GRIN2A: variants seen among roughly 807,000 people sequenced by gnomAD.
The protein encoded by GRIN2A is glutamate receptor ionotropic, NMDA 2A.
GRIN2A carries 22 observed loss-of-function variants against 113.4 expected under a neutral mutation model. The ratio of observed to expected loss-of-function variants is 0.19; its 90% confidence interval spans 0.14 to 0.28. The LOEUF (loss-of-function observed/expected upper bound fraction) is 0.28, where lower values mean the gene tolerates loss of function less well. GRIN2A is among the 10% of genes least tolerant of loss of function. The pLI is 1.00. For missense variants in GRIN2A, 1,502 were observed against 1,887.0 expected (o/e 0.80, Z 3.78); for synonymous variants, 827 against 738.4 (o/e 1.12, Z -1.94).
chr16:10,115,089 G>C (rs939579813), intron 2 of GRIN2A, among the ~76,000 whole-genome samples: 2 of 152,180 alleles, frequency 1.3e-5, no homozygotes, highest in African/African-American at 4.8e-5. Context: ...TTCCTTCCCT[G>C]CTTAAAATGT....
At chr16:9,918,471 C>G (rs1409725367) in intron 3 of GRIN2A, among the ~76,000 whole-genome samples, 1 of 152,154 alleles carries the variant, frequency 6.6e-6, no homozygotes, top group East Asian at 1.9e-4. Context: ...AATGTGGTCT[C>G]TCTCTTAAAA....
intron 2 of GRIN2A, among the ~76,000 whole-genome samples, chr16:9,940,630 C>T (rs1214743659): frequency 6.6e-6 from 1 of 152,072 alleles, no homozygotes; most frequent in Non-Finnish European, 1.5e-5. Context: ...TTGGTTAAGA[C>T]CAGAAATGGA....
chr16:9,792,580 T>A (rs1902678534), intron 11 of GRIN2A, among the ~76,000 whole-genome samples: 1 of 152,226 alleles, frequency 6.6e-6, no homozygotes, highest in Non-Finnish European at 1.5e-5. Flanking sequence ...ACTTCACATA[T>A]CTATTATATA....
chr16:10,075,770 G>C (rs2047860220), intron 2 of GRIN2A, among the ~76,000 whole-genome samples: 1 of 152,150 alleles, frequency 6.6e-6, no homozygotes, highest in African/African-American at 2.4e-5. Context: ...ACAAGTGTTA[G>C]AAGGACATTC....
chr16:9,841,674 G>A (rs2042682149), intron 5 of GRIN2A, among the ~76,000 whole-genome samples: 1 of 152,162 alleles, frequency 6.6e-6, no homozygotes, highest in Admixed American at 6.5e-5. Flanking sequence ...TCTATTCCAT[G>A]CCTGATTTTG....
intron 2 of GRIN2A, among the ~76,000 whole-genome samples, chr16:10,072,563 T>C (rs1242705907): frequency 1.3e-5 from 2 of 152,162 alleles, no homozygotes; most frequent in African/African-American, 4.8e-5. Flanking sequence ...GATTATAGTA[T>C]GCAGTCAAGT....
intron 9 of GRIN2A, among the ~76,000 whole-genome samples, chr16:9,826,235 T>G (rs1342497239): frequency 1.3e-5 from 2 of 152,146 alleles, no homozygotes; most frequent in African/African-American, 4.8e-5. Flanking sequence ...CCAGGTCCAT[T>G]TGACCCCAAA....
intron 10 of GRIN2A, among the ~76,000 whole-genome samples, chr16:9,801,372 G>A (rs572802256): frequency 2.0e-4 from 30 of 149,778 alleles, no homozygotes; most frequent in Non-Finnish European, 3.4e-4. Context: ...ACACACACAT[G>A]TACACATGGG....
At chr16:9,935,653 G>T (rs773903057) in intron 3 of GRIN2A, among the ~76,000 whole-genome samples, 8 of 151,698 alleles carry the variant, frequency 5.3e-5, no homozygotes, top group Non-Finnish European at 1.0e-4. Flanking sequence ...ATAGTACCCT[G>T]CTGGTAATAA....
intron 2 of GRIN2A, among the ~76,000 whole-genome samples, chr16:9,966,017 T>G (rs2045550461): frequency 6.6e-6 from 1 of 152,210 alleles, no homozygotes; most frequent in Non-Finnish European, 1.5e-5. Flanking sequence ...TGCAGCACCT[T>G]AAGCCCAGAA....
chr16:9,883,912 A>G (rs1399400888), intron 4 of GRIN2A, among the ~76,000 whole-genome samples: 1 of 152,216 alleles, frequency 6.6e-6, no homozygotes, highest in Non-Finnish European at 1.5e-5. Flanking sequence ...GGGTCTCCCT[A>G]ATGTCTTCTG....
At position 9,938,150 on chromosome 16, in the gene GRIN2A, A is replaced by C; in HGVS notation, c.816T>G (p.Phe272Leu). ...AGGAGACAGAAATGAGTCCCGATGG[A>C]AACTCTTTTGGGATGAGCTCCGTGT... ...SGNTELIPKE[F>L]PSGLISVSYD... The change falls in exon 3 of 13, where the codon TTT becomes TTG. Residue 272 changes from phenylalanine (F) to leucine (L), a missense_variant. This residue lies in a region of GRIN2A where 334 missense variants were observed against 403.0 expected (regional missense o/e 0.83). Coordinates refer to ENST00000330684, the MANE Select transcript of GRIN2A (RefSeq NM_001134407.3). 1 of 1,614,112 alleles carries C rather than the reference A, an allele frequency of 6.2e-7. No homozygotes were observed. The highest frequency in any genetic ancestry group is 8.5e-7 in the Non-Finnish European group (1 of 1,180,002).
rs754807223 is a variant in GRIN2A at position 9,843,131 on chromosome 16, GGAAA to G, written c.1329-2031_1329-2028del. On this transcript the variant is annotated intron_variant, in intron 5 of 12. Coordinates refer to ENST00000330684, the MANE Select transcript of GRIN2A (RefSeq NM_001134407.3). ...AGGAGGAAACGAGGAAAGGAAGAAA[GGAAA>G]GAAAGAAAGAAGCAAGCTATTTTGG... 5.5e-4 allele frequency among the ~76,000 whole-genome samples: 83 copies of G among 151,646 alleles called. 1 individual carries two copies. The highest frequency in any genetic ancestry group is 4.4e-4 in the Non-Finnish European group (30 of 67,894).
At chr16:10,092,036 G>A (rs559246347) in intron 2 of GRIN2A, among the ~76,000 whole-genome samples, 16 of 152,238 alleles carry the variant, frequency 1.1e-4, no homozygotes, top group South Asian at 4.2e-4. Flanking sequence ...ATCAATAAAG[G>A]TATTAAAATA....
At chr16:9,983,899 T>A (rs1229602033) in intron 2 of GRIN2A, among the ~76,000 whole-genome samples, 1 of 152,352 alleles carries the variant, frequency 6.6e-6, no homozygotes, top group African/African-American at 2.4e-5. Context: ...ACATACTGAT[T>A]TCCTTTCCTT....
chr16:9,835,208 A>G (rs942857245), intron 7 of GRIN2A, among the ~76,000 whole-genome samples: 3 of 152,198 alleles, frequency 2.0e-5, no homozygotes, highest in South Asian at 2.1e-4. Flanking sequence ...AAGTCAATTG[A>G]GGATATTATC....
At chr16:9,949,332 G>C (rs2045108349) in intron 2 of GRIN2A, among the ~76,000 whole-genome samples, 1 of 152,166 alleles carries the variant, frequency 6.6e-6, no homozygotes, top group Non-Finnish European at 1.5e-5. Flanking sequence ...TGGATGGATG[G>C]ACGGACGGAT....
intron 9 of GRIN2A, among the ~76,000 whole-genome samples, chr16:9,823,780 A>T (rs896783263): frequency 3.9e-5 from 6 of 152,112 alleles, no homozygotes; most frequent in African/African-American, 7.2e-5. Flanking sequence ...AGTGGCCCAG[A>T]ATTCAAACCC....
intron 2 of GRIN2A, among the ~76,000 whole-genome samples, chr16:10,122,372 G>A (rs2048851920): frequency 6.6e-6 from 1 of 152,142 alleles, no homozygotes. Flanking sequence ...TTCGGGGTAA[G>A]GAAGCTACAA....
Sources: allele counts gnomAD v4.1 joint callset (sites outside exome capture counted in the v4.1 genomes callset), GRCh38; gene constraint gnomAD v4.1.1; regional missense constraint gnomAD v4.1.1; transcripts MANE v1.5; gene names NCBI Gene and HGNC (gene_info 2026-07-23, HGNC 2026-07-21).